The following RXRA variants were observed in gnomAD, a reference collection of about 807,000 sequenced individuals.
RXRA encodes the protein retinoic acid receptor RXR-alpha.
RXRA carries 5 observed loss-of-function variants against 44.5 expected under a neutral mutation model. That is an observed-to-expected ratio of 0.11 (90% CI 0.06 to 0.24). The LOEUF (loss-of-function observed/expected upper bound fraction) is 0.24. Among genes scored for constraint, RXRA ranks in the 10% least tolerant of loss-of-function variants. RXRA has a pLI of 1.00. For synonymous variants in RXRA, 291 were observed against 271.4 expected (o/e 1.07, Z -0.71); for missense variants, 412 against 646.5 (o/e 0.64, Z 3.93).
rs574227899 is a variant in RXRA at position 134,333,071 on chromosome 9, G to A, written c.28+6412G>A. Among the ~76,000 whole-genome samples the A allele has an allele frequency of 2.2e-3, 329 of 152,264 alleles. 1 individual carries two copies. Among genetic ancestry groups the A allele is most frequent in the Non-Finnish European group, 1.4e-3 (94 of 67,996 alleles). On this transcript the variant is annotated intron_variant, in intron 1 of 9. Transcript: ENST00000481739. ...ATGAAGTAGGGGGCAGGCCGTCCAG[G>A]GGGAGTAGAGCAGCCGGGCCTCTTG...
chr9:134,332,900 AG>A (rs1554746844), intron 1 of RXRA, among the ~76,000 whole-genome samples: 1 of 151,718 alleles, frequency 6.6e-6, no homozygotes, highest in Non-Finnish European at 1.5e-5. Flanking sequence ...CAGCCTGGGA[AG>A]GGGGGAGGAT....
rs533548818 is a variant in RXRA, at chr9:134,439,768, C to T, written c.*3154C>T. The T allele has an allele frequency of 9.2e-5, 14 of 152,250 alleles. No homozygotes were observed. The highest frequency in any genetic ancestry group is 2.6e-4 in the Admixed American group (4 of 15,282). The allele number at this position is 152,250 out of a possible 1,614,324, so 9.4% of individuals were successfully genotyped here. ...ACAGAGAGACGCGTGTGGAGAGAGC[C>T]GCACACCAGCGCCACCCAGGAAAGG... On this transcript the variant is annotated 3_prime_UTR_variant, in exon 10 of 10. Coordinates refer to ENST00000481739, the MANE Select transcript of RXRA (RefSeq NM_002957.6).
At chr9:134,353,784 G>T (rs1333084513) in intron 1 of RXRA, among the ~76,000 whole-genome samples, 1 of 152,222 alleles carries the variant, frequency 6.6e-6, no homozygotes, top group Non-Finnish European at 1.5e-5. Flanking sequence ...GGGATGTCCC[G>T]TTGGGGCCGT....
chr9:134,402,005 A>T (rs935577657), intron 2 of RXRA, 123 bp downstream of exon 2: 6 of 833,634 alleles, frequency 7.2e-6, no homozygotes, highest in Non-Finnish European at 9.1e-6. Flanking sequence ...TCCCCGCTTG[A>T]CGCAGAGTAT....
rs1002553341 is a variant in RXRA, at chr9:134,366,523, C to G, written c.29-35109C>G. Among the ~76,000 whole-genome samples, 6 of 152,210 alleles carry G rather than the reference C, an allele frequency of 3.9e-5. No homozygotes were observed. The highest frequency in any genetic ancestry group is 1.9e-4 in the East Asian group (1 of 5,200). ...CGGGAGTCCCCCTCCCCAGCAGCCA[C>G]CCCGTGCCATGGGCCTCCAGGTCCC... On this transcript the variant is annotated intron_variant, in intron 1 of 9. Transcript: ENST00000481739. This position sits in a 1 kb window ranked among gnomAD's most constrained non-coding sequence, Gnocchi z 5.9.
At chr9:134,360,650 G>A (rs1439510212) in intron 1 of RXRA, among the ~76,000 whole-genome samples, 2 of 152,248 alleles carry the variant, frequency 1.3e-5, no homozygotes, top group African/African-American at 2.4e-5. Context: ...TCAGCCTGGC[G>A]TTGCATGGGG....
intron 7 of RXRA, among the ~76,000 whole-genome samples, chr9:134,430,765 TTGTC>T (rs1157882267): frequency 1.3e-5 from 2 of 152,202 alleles, no homozygotes; most frequent in Admixed American, 6.5e-5. Context: ...GACAGATCCT[TTGTC>T]TGGCTGGTAG....
chr9:134,361,510 G>C (rs374667753), intron 1 of RXRA, among the ~76,000 whole-genome samples: 2 of 152,292 alleles, frequency 1.3e-5, no homozygotes, highest in South Asian at 2.1e-4. Context: ...GGGAAGGTGC[G>C]GGTGACAGAT....
chr9:134,364,249 C>T (rs568277111), intron 1 of RXRA, among the ~76,000 whole-genome samples: 9 of 152,328 alleles, frequency 5.9e-5, no homozygotes, highest in Admixed American at 4.6e-4. Flanking sequence ...AAAAGCCGTG[C>T]GGTGGGAGCT....
chr9:134,418,433 AC>A (rs1473879800), intron 5 of RXRA, among the ~76,000 whole-genome samples: 1 of 151,908 alleles, frequency 6.6e-6, no homozygotes, highest in Non-Finnish European at 1.5e-5. Flanking sequence ...GCCACCGAAG[AC>A]CTTATACAGG....
chr9:134,332,215 A>T (rs927023497), intron 1 of RXRA, among the ~76,000 whole-genome samples: 1 of 151,946 alleles, frequency 6.6e-6, no homozygotes, highest in African/African-American at 2.4e-5. Context: ...TGGCTTGCCC[A>T]CCTCCTCATG....
At chr9:134,430,035 G>A (rs527527574) in intron 7 of RXRA, among the ~76,000 whole-genome samples, 87 of 152,242 alleles carry the variant, frequency 5.7e-4, no homozygotes, top group Middle Eastern at 3.4e-3. Context: ...ACAGGCGCCC[G>A]CCACCACGCC....
intron 9 of RXRA, among the ~76,000 whole-genome samples, chr9:134,435,733 C>T (rs1039225331): frequency 3.9e-5 from 6 of 152,166 alleles, no homozygotes; most frequent in Non-Finnish European, 7.3e-5. Flanking sequence ...CACCATGTGC[C>T]GGGCCTGTTC....
chr9:134,429,756 G>A (rs762326729), intron 7 of RXRA, among the ~76,000 whole-genome samples: 1 of 152,210 alleles, frequency 6.6e-6, no homozygotes, highest in Middle Eastern at 3.2e-3. Context: ...TGGAGGAGCA[G>A]CACTGGCTGG....
At chr9:134,401,564 G>A in intron 1 of RXRA, 68 bp from the exon 2 acceptor site, 2 of 1,601,800 alleles carry the variant, frequency 1.2e-6, no homozygotes, top group Non-Finnish European at 1.7e-6. Context: ...TAGCTGGGGG[G>A]AGCAGGCATT....
intron 1 of RXRA, chr9:134,374,035 C>T (rs11788856): frequency 6.6e-6 from 1 of 152,288 alleles, no homozygotes; most frequent in East Asian, 1.9e-4. Context: ...AAGCAGTCGC[C>T]TGATGGGCAA....
chr9:134,347,401 CA>C lies in RXRA; in HGVS notation c.28+20743del, dbSNP rs1830166066. 2.6e-5 allele frequency among the ~76,000 whole-genome samples: 4 copies of C among 152,352 alleles called. No individual in the cohort carries two copies. The South Asian group carries it at 8.3e-4, about 32-fold the overall frequency. On this transcript the variant is annotated intron_variant, in intron 1 of 9. Transcript: ENST00000481739. The stretch of plus-strand genomic sequence containing the variant: ...TGCCTTTGTCTCTGCGCCCTGAGTG[CA>C]GCGCAGCTCCTCCATCTGCCTGGGA...
intron 1 of RXRA, among the ~76,000 whole-genome samples, chr9:134,333,527 T>A (rs3818734): frequency 0.39 from 58,462 of 150,486 alleles, 12,738 homozygotes; most frequent in African/African-American, 0.6. Flanking sequence ...GAGGGGAGAG[T>A]GAGTTGGGCC....
At chr9:134,388,435 A>T (rs747830789) in intron 1 of RXRA, among the ~76,000 whole-genome samples, 1 of 152,138 alleles carries the variant, frequency 6.6e-6, no homozygotes, top group Admixed American at 6.5e-5. Flanking sequence ...TTCTGCTCTC[A>T]CGCAGGAGTG....
Sources: gnomAD v4.1 joint callset for allele counts (sites outside exome capture counted in the v4.1 genomes callset) on GRCh38, gnomAD v4.1.1 for gene constraint, Gnocchi (gnomAD v3.1) non-coding constraint, MANE v1.5 for transcripts, NCBI Gene and HGNC (gene_info 2026-07-23, HGNC 2026-07-21) for gene names.